The following SIDT2 variants were observed in gnomAD, a reference collection of about 807,000 sequenced individuals.
The protein encoded by SIDT2 is SID1 transmembrane family member 2, also known as SID1 transmembrane family, member 2.
In SIDT2, 68 loss-of-function variants were observed where a neutral mutation model predicts 114.4. The observed-to-expected ratio is 0.59, with a 90% CI of 0.49 to 0.73. The LOEUF is 0.73. SIDT2 is among the 30% of genes least tolerant of loss of function. The probability of loss-of-function intolerance (pLI) is 0.00; values close to 1 mark genes in which losing one functional copy is unlikely to be tolerated. For synonymous variants in SIDT2, 470 were observed against 438.4 expected, an observed-to-expected ratio of 1.07 and a Z score of -0.90; for missense variants, 918 against 1,097.1, an observed-to-expected ratio of 0.84 and a Z score of 2.31.
intron 5 of SIDT2, 28 bp from the exon 6 acceptor site, chr11:117,182,695 T>A (rs766369882): frequency 6.2e-7 from 1 of 1,613,970 alleles, no homozygotes; most frequent in South Asian, 1.1e-5. Flanking sequence ...CAGGTTCCCA[T>A]CCATCTGCCT....
Position 117,189,025 on chromosome 11 carries a change from C to T in SIDT2, c.1279-144C>T, listed in dbSNP as rs1030925765. The T allele has an allele frequency of 4.4e-5, 44 of 1,004,862 alleles. No individual in the cohort carries two copies. In the Middle Eastern group the frequency reaches 6.7e-4, roughly 15 times the overall value. 62.2% of individuals were successfully genotyped at this position (1,004,862 alleles called of 1,614,324 possible). ...ATTGGCCAAACCCTCTTGGTCTAAGCGGCCGCAGCAGTGGGATGTCCTTGA... is the reference window on the plus strand; with the variant it reads ...ATTGGCCAAACCCTCTTGGTCTAAGTGGCCGCAGCAGTGGGATGTCCTTGA... On this transcript the variant is annotated intron_variant, in intron 13 of 25. Coordinates refer to ENST00000324225, the MANE Select transcript of SIDT2 (RefSeq NM_001040455.2).
chr11:117,181,860 C>T lies in SIDT2; in HGVS notation c.359C>T (p.Pro120Leu), dbSNP rs143605020. The change falls in exon 3 of 26, where the codon CCC becomes CTC. Residue 120 changes from proline (P) to leucine (L), a missense_variant. Physicochemically the swap from Pro to Leu is moderately conservative, Grantham distance 98. This residue lies in a region of SIDT2 where 553 missense variants were observed against 600.1 expected (regional missense o/e 0.92). Coordinates refer to ENST00000324225, the MANE Select transcript of SIDT2 (RefSeq NM_001040455.2). ...QKVERTLCQP[P>L]TKNESEIQFF... ...GTGGAACGAACCCTGTGTCAGCCCC[C>T]CACCAAGAATGAGTCGGAGATTCAG... The T allele has an allele frequency of 1.2e-6, 2 of 1,614,192 alleles. No individual in the cohort carries two copies. The highest frequency in any genetic ancestry group is 1.7e-5 in the Admixed American group (1 of 60,024).
intron 6 of SIDT2, among the ~76,000 whole-genome samples, chr11:117,183,408 C>T (rs1397150944): frequency 6.7e-6 from 1 of 149,138 alleles, no homozygotes; most frequent in East Asian, 2.0e-4. Flanking sequence ...GAGGCTGAGG[C>T]GGGCAGATCA....
intron 24 of SIDT2, among the ~76,000 whole-genome samples, chr11:117,195,053 C>T (rs2030841970): frequency 7.5e-6 from 1 of 133,818 alleles, no homozygotes; most frequent in Admixed American, 8.8e-5. Flanking sequence ...CTCCACTGCA[C>T]TCCAGCCTGT....
chr11:117,190,661 C>T lies in SIDT2; in HGVS notation c.1656C>T (p.Ala552=). Residue 552 remains alanine (A), a synonymous_variant, in exon 18 of 26, where the codon GCC becomes GCT. Coordinates refer to ENST00000324225, the MANE Select transcript of SIDT2 (RefSeq NM_001040455.2). The surrounding 1 kb of genome is among the most constrained non-coding windows in gnomAD (Gnocchi z 4.1). ...CCAAACACTTTGGGCTTTTCTACGC[C>T]ATGGGCACAGCCCTGATGATGGAGG... The part of the protein sequence containing the change: ...GIPKHFGLFY[A]MGTALMMEGL... 6.2e-7 allele frequency: 1 copy of T among 1,609,018 alleles called. No homozygotes were observed. The highest frequency in any genetic ancestry group is 8.5e-7 in the Non-Finnish European group (1 of 1,177,400).
rs773037253 is a variant in SIDT2, at chr11:117,187,370, C to T, written c.1016-8C>T. 4.3e-6 allele frequency: 7 copies of T among 1,613,496 alleles called. No individual in the cohort carries two copies. In the East Asian group the frequency reaches 1.1e-4, roughly 26 times the overall value. On this transcript the variant is annotated splice_region_variant and splice_polypyrimidine_tract_variant and intron_variant, in intron 10 of 25. Transcript: ENST00000324225. ...CCAGTGCTAACAGACCTTGACTTCTCATTGCAGGTCACCCTCGAGTCCTGG... is the reference window on the plus strand; with the variant it reads ...CCAGTGCTAACAGACCTTGACTTCTTATTGCAGGTCACCCTCGAGTCCTGG...
At chr11:117,189,789 G>T (rs976966649) in intron 15 of SIDT2, 163 bp from the exon 16 acceptor site, 12 of 663,436 alleles carry the variant, frequency 1.8e-5, no homozygotes, top group Admixed American at 2.2e-5. Flanking sequence ...GTGCTGCATG[G>T]CATCCATGTT....
At chr11:117,182,893 A>G (rs946336772) in intron 6 of SIDT2, 87 bp downstream of exon 6, 8 of 1,409,332 alleles carry the variant, frequency 5.7e-6, no homozygotes, top group African/African-American at 1.4e-5. Flanking sequence ...TCCTCTGCCC[A>G]TTCCTATCCT....
chr11:117,194,157 AT>A, intron 24 of SIDT2, 194 bp downstream of exon 24: 1 of 511,886 alleles, frequency 2.0e-6, no homozygotes, highest in Non-Finnish European at 3.5e-6. Context: ...AAAAATAAAA[AT>A]AAAAAAATTA....
intron 8 of SIDT2, chr11:117,185,891 A>AT: frequency 7.7e-6 from 1 of 129,806 alleles, no homozygotes; most frequent in South Asian, 4.9e-5. Context: ...AAAAAAAAAA[A>AT]AAAAGTAGAA....
chr11:117,183,350 A>G (rs1228593631), intron 6 of SIDT2, among the ~76,000 whole-genome samples: 3 of 150,968 alleles, frequency 2.0e-5, no homozygotes, highest in Admixed American at 1.3e-4. Context: ...TGTCTCAAGA[A>G]AAAAAAGGTC....
chr11:117,193,306 G>T, intron 23 of SIDT2, 48 bp downstream of exon 23: 3 of 1,500,912 alleles, frequency 2.0e-6, no homozygotes, highest in Non-Finnish European at 2.8e-6. Context: ...CTGCTATCTG[G>T]GGAGAGAGAT....
chr11:117,183,989 G>A, intron 7 of SIDT2, 85 bp from the exon 8 acceptor site: 1 of 1,545,512 alleles, frequency 6.5e-7, no homozygotes, highest in Non-Finnish European at 8.9e-7. Flanking sequence ...ATGGGTTTTT[G>A]GCTCCAGTCT....
In SIDT2 at chr11:117,187,798, C is replaced by A. The variant is rs76382289; in HGVS notation, c.1159+99C>A. ...TTGCCTCTTCTGCCAGATGCTGGAACCTGGGAAGGGCCTGCTGTCTTCCTA... is the reference window on the plus strand; with the variant it reads ...TTGCCTCTTCTGCCAGATGCTGGAAACTGGGAAGGGCCTGCTGTCTTCCTA... On this transcript the variant is annotated intron_variant, in intron 12 of 25. Coordinates refer to ENST00000324225, the MANE Select transcript of SIDT2 (RefSeq NM_001040455.2). The A allele has an allele frequency of 8.9e-3, 10,260 of 1,157,552 alleles. 621 individuals carry two copies. The African/African-American group carries it at 0.14, about 15-fold the overall frequency. 71.7% of individuals were successfully genotyped at this position (1,157,552 alleles called of 1,614,324 possible).
intron 18 of SIDT2, 70 bp from the exon 19 acceptor site, chr11:117,191,808 T>G (rs2030710386): frequency 1.3e-6 from 2 of 1,574,774 alleles, no homozygotes; most frequent in Non-Finnish European, 1.7e-6. Context: ...CTGGGATTGT[T>G]GGGGCCAGGA....
intron 24 of SIDT2, 62 bp downstream of exon 24, chr11:117,194,025 TG>T: frequency 7.5e-7 from 1 of 1,330,976 alleles, no homozygotes; most frequent in Non-Finnish European, 1.1e-6. Flanking sequence ...TTTTAAACAT[TG>T]GGGCTGAGCC....
Position 117,192,789 on chromosome 11 carries a change from C to T in SIDT2, c.2059-31C>T, listed in dbSNP as rs1322849793. On this transcript the variant is annotated intron_variant, in intron 21 of 25. Coordinates refer to ENST00000324225, the MANE Select transcript of SIDT2 (RefSeq NM_001040455.2). The surrounding 1 kb of genome is among the most constrained non-coding windows in gnomAD (Gnocchi z 5.9). ...CTTCCACCACCCTCCCTGCCCCTGC[C>T]CTCAGTCCCTGTGTCCCTGCTTCCC... The T allele has an allele frequency of 6.2e-7, 1 of 1,614,064 alleles. No individual in the cohort carries two copies. The highest frequency in any genetic ancestry group is 8.5e-7 in the Non-Finnish European group (1 of 1,179,974).
chr11:117,187,467 C>T lies in SIDT2; in HGVS notation c.1087+18C>T. 2 of 1,613,484 alleles carry T rather than the reference C, an allele frequency of 1.2e-6. No homozygotes were observed. Among genetic ancestry groups the T allele is most frequent in the Non-Finnish European group, 1.7e-6 (2 of 1,179,424 alleles). Reference sequence around the variant, plus strand: ...CTCCTTTGGTACGTGTCAAAGCCAGCACCGTGCTTGCTGGGGACATGACCT... The same window carrying T: ...CTCCTTTGGTACGTGTCAAAGCCAGTACCGTGCTTGCTGGGGACATGACCT... On this transcript the variant is annotated intron_variant, in intron 11 of 25. Coordinates refer to ENST00000324225, the MANE Select transcript of SIDT2 (RefSeq NM_001040455.2).
At chr11:117,187,555 C>T (rs1022942568) in intron 11 of SIDT2, 73 bp from the exon 12 acceptor site, 2 of 1,594,266 alleles carry the variant, frequency 1.3e-6, no homozygotes, top group African/African-American at 2.7e-5. Flanking sequence ...AGCCCCCACA[C>T]CCTCTGCAGA....
Sources: gnomAD v4.1 joint callset for allele counts (sites outside exome capture counted in the v4.1 genomes callset) on GRCh38, gnomAD v4.1.1 for gene constraint, gnomAD v4.1.1 regional missense constraint, Gnocchi (gnomAD v3.1) non-coding constraint, MANE v1.5 for transcripts, NCBI Gene and HGNC (gene_info 2026-07-23, HGNC 2026-07-21) for gene names.